The following TXNRD1 variants were observed in gnomAD, a reference collection of about 807,000 sequenced individuals.
The protein encoded by TXNRD1 is thioredoxin reductase 1.
In TXNRD1, 57 loss-of-function variants were observed where a neutral mutation model predicts 80.3. The ratio of observed to expected loss-of-function variants is 0.71; its 90% CI spans 0.57 to 0.89. TXNRD1 has a LOEUF of 0.89. Ranked by LOEUF, TXNRD1 falls within the 40% of genes least tolerant of loss-of-function variation. The pLI is 0.00. For synonymous variants in TXNRD1, 291 were observed against 285.2 expected, an observed-to-expected ratio of 1.02 and a Z score of -0.20; for missense variants, 730 against 803.0, an observed-to-expected ratio of 0.91 and a Z score of 1.10.
chr12:104,331,501 C>G, intron 13 of TXNRD1, 33 bp from the exon 14 acceptor site: 1 of 1,379,204 alleles, frequency 7.3e-7, no homozygotes, highest in Non-Finnish European at 1.0e-6. Flanking sequence ...ATAACTTTGC[C>G]TATTATAACT....
Position 104,348,465 on chromosome 12 carries a change from C to T in TXNRD1, c.*44C>T, listed in dbSNP as rs746979328. ...TTGCCAAGACTGCAAACCACTGGCTCGTTTCCGTGCCCAAATCCAAGGCGA... is the reference window on the plus strand; with the variant it reads ...TTGCCAAGACTGCAAACCACTGGCTTGTTTCCGTGCCCAAATCCAAGGCGA... On this transcript the variant is annotated 3_prime_UTR_variant, in exon 17 of 17. Coordinates refer to ENST00000525566, the MANE Select transcript of TXNRD1 (RefSeq NM_001093771.3). The T allele has an allele frequency of 8.8e-6, 14 of 1,597,134 alleles. No individual in the cohort carries two copies. Among genetic ancestry groups the T allele is most frequent in the South Asian group, 4.4e-5 (4 of 90,636 alleles).
chr12:104,262,976 T>C (rs1490164465), intron 3 of TXNRD1, among the ~76,000 whole-genome samples: 1 of 152,172 alleles, frequency 6.6e-6, no homozygotes, highest in Non-Finnish European at 1.5e-5. Context: ...TAACATTTTC[T>C]TCTTCCTTCT....
At chr12:104,288,194 T>G (rs1389978680) in intron 3 of TXNRD1, among the ~76,000 whole-genome samples, 1 of 152,166 alleles carries the variant, frequency 6.6e-6, no homozygotes, top group Admixed American at 6.5e-5. Context: ...TTTCACCATC[T>G]TGGCCAGGCT....
chr12:104,313,862 T>C (rs538229881), intron 6 of TXNRD1, among the ~76,000 whole-genome samples: 4 of 152,080 alleles, frequency 2.6e-5, no homozygotes, highest in East Asian at 3.9e-4. Context: ...ACTTTAGGAG[T>C]TGTGGTAAGC....
At chr12:104,318,483 T>G (rs1005973336) in intron 7 of TXNRD1, among the ~76,000 whole-genome samples, 31 of 152,238 alleles carry the variant, frequency 2.0e-4, no homozygotes, top group Admixed American at 5.9e-4. Flanking sequence ...AAAAAGCTGA[T>G]GGGCTGGATT....
chr12:104,247,049 A>C (rs1295480686), intron 1 of TXNRD1, among the ~76,000 whole-genome samples: 1 of 150,636 alleles, frequency 6.6e-6, no homozygotes, highest in Non-Finnish European at 1.5e-5. Context: ...GCAACTTATC[A>C]TTACAGTTTT....
chr12:104,337,228 C>G (rs147021024), intron 15 of TXNRD1, among the ~76,000 whole-genome samples: 1 of 151,860 alleles, frequency 6.6e-6, no homozygotes, highest in Non-Finnish European at 1.5e-5. Context: ...ACCATAAACC[C>G]GGAATCGTCA....
In TXNRD1 at chr12:104,350,250, A is replaced by G. The variant is rs1256141039; in HGVS notation, c.*1829A>G. 3 of 152,246 alleles carry G rather than the reference A, an allele frequency of 2.0e-5. No homozygotes were observed. The highest frequency in any genetic ancestry group is 4.4e-5 in the Non-Finnish European group (3 of 68,044). 9.4% of individuals were successfully genotyped at this position (152,246 alleles called of 1,614,324 possible). A position where few individuals can be genotyped will look rare whatever the true frequency, so the allele number is the denominator to read the frequency against. Reference sequence around the variant, plus strand: ...AAATCTTCTGAAAAAAAACAAAACAATGTGAAACATTAAAATTAAAAGGCA... The same window carrying G: ...AAATCTTCTGAAAAAAAACAAAACAGTGTGAAACATTAAAATTAAAAGGCA... On this transcript the variant is annotated 3_prime_UTR_variant, in exon 17 of 17. Transcript: ENST00000525566.
chr12:104,238,473 G>A (rs914857042), intron 1 of TXNRD1, among the ~76,000 whole-genome samples: 1 of 152,060 alleles, frequency 6.6e-6, no homozygotes, highest in Non-Finnish European at 1.5e-5. Context: ...CAGAGTCAAG[G>A]AAACTTATTT....
intron 4 of TXNRD1, among the ~76,000 whole-genome samples, chr12:104,301,583 C>T (rs1204203075): frequency 2.6e-5 from 4 of 152,186 alleles, no homozygotes; most frequent in African/African-American, 9.7e-5. Context: ...GTGATCCGCC[C>T]GCCTCAGCCT....
intron 3 of TXNRD1, 149 bp from the exon 4 acceptor site, chr12:104,288,782 G>T: frequency 6.5e-7 from 1 of 1,548,370 alleles, no homozygotes. Flanking sequence ...TGTCAGAAAT[G>T]CAGCAAGTCA....
intron 2 of TXNRD1, among the ~76,000 whole-genome samples, chr12:104,254,643 AAATATATAT>A (rs1175211229): frequency 7.7e-6 from 1 of 129,188 alleles, no homozygotes; most frequent in African/African-American, 3.2e-5. Flanking sequence ...AAAAAAAAAA[AAATATATAT>A]ATATATATAT....
chr12:104,249,952 A>AT (rs1239725724), intron 1 of TXNRD1, among the ~76,000 whole-genome samples: 10 of 151,748 alleles, frequency 6.6e-5, no homozygotes, highest in Admixed American at 1.3e-4. Flanking sequence ...AAAAAAAAAA[A>AT]AAAGTGAAAG....
chr12:104,341,838 T>C (rs909824935), intron 16 of TXNRD1, among the ~76,000 whole-genome samples: 2 of 152,218 alleles, frequency 1.3e-5, no homozygotes, highest in African/African-American at 4.8e-5. Flanking sequence ...CCTCCTGTAC[T>C]TCTGACCTAC....
intron 3 of TXNRD1, among the ~76,000 whole-genome samples, chr12:104,261,163 CTT>C (rs201861244): frequency 5.0e-5 from 7 of 140,222 alleles, no homozygotes; most frequent in Admixed American, 1.4e-4. Context: ...CTCTTTCTTT[CTT>C]TTTTTTTTTT....
intron 1 of TXNRD1, among the ~76,000 whole-genome samples, chr12:104,233,201 A>C (rs73394517): frequency 1.3e-5 from 2 of 152,150 alleles, no homozygotes; most frequent in African/African-American, 4.8e-5. Context: ...TAACAGCTAC[A>C]TAGGGCTTAA....
At chr12:104,283,243 TTTTTTG>T (rs548632931) in intron 3 of TXNRD1, among the ~76,000 whole-genome samples, 12 of 152,108 alleles carry the variant, frequency 7.9e-5, no homozygotes, top group Non-Finnish European at 5.9e-5. Context: ...TCACACTGTC[TTTTTTG>T]TTTTTGTTTT....
chr12:104,321,385 G>A, intron 10 of TXNRD1, 69 bp downstream of exon 10: 1 of 1,229,602 alleles, frequency 8.1e-7, no homozygotes, highest in Non-Finnish European at 1.2e-6. Context: ...GAGTTGAGTT[G>A]GTGGTAGAAG....
At chr12:104,252,686 ATATATTTTTTTT>A (rs2033150502) in intron 2 of TXNRD1, among the ~76,000 whole-genome samples, 3 of 83,936 alleles carry the variant, frequency 3.6e-5, no homozygotes, top group Non-Finnish European at 6.6e-5. Context: ...ATATATATAT[ATATATTTTTTTT>A]TTTTTTTTTT....
Sources: allele counts gnomAD v4.1 joint callset (sites outside exome capture counted in the v4.1 genomes callset), GRCh38; gene constraint gnomAD v4.1.1; transcripts MANE v1.5; gene names NCBI Gene and HGNC (gene_info 2026-07-23, HGNC 2026-07-21).